The following AOPEP variants were observed in gnomAD, a reference collection of about 807,000 sequenced individuals.
AOPEP encodes aminopeptidase O.
Under a neutral mutation model 98.1 loss-of-function variants are expected in AOPEP, and 77 were observed. The ratio of observed to expected loss-of-function variants is 0.78; its 90% confidence interval spans 0.65 to 0.95. The LOEUF (loss-of-function observed/expected upper bound fraction) is 0.95. Among genes scored for constraint, AOPEP ranks in the 40% least tolerant of loss-of-function variants. AOPEP has a pLI of 0.00. For missense variants in AOPEP, 1,024 were observed against 1,024.7 expected, an observed-to-expected ratio of 1.00 and a Z score of 0.01; for synonymous variants, 346 against 365.3, an observed-to-expected ratio of 0.95 and a Z score of 0.60.
At chr9:94,765,168 G>A (rs1195615540) in intron 2 of AOPEP, among the ~76,000 whole-genome samples, 1 of 151,772 alleles carries the variant, frequency 6.6e-6, no homozygotes, top group African/African-American at 2.4e-5. Flanking sequence ...TTGCTATGTT[G>A]CCCAGGCTGG....
intron 13 of AOPEP, among the ~76,000 whole-genome samples, chr9:95,017,152 A>G (rs954301093): frequency 2.0e-5 from 3 of 152,106 alleles, no homozygotes; most frequent in Non-Finnish European, 2.9e-5. Context: ...TCTGGATCCT[A>G]TTCGTATACA....
chr9:94,764,481 T>G (rs1041659789), intron 2 of AOPEP, among the ~76,000 whole-genome samples: 4 of 151,982 alleles, frequency 2.6e-5, no homozygotes, highest in African/African-American at 9.7e-5. Context: ...ACCCCATCTT[T>G]ACTAAAAATA....
At chr9:94,964,221 C>T (rs2059039206) in intron 9 of AOPEP, among the ~76,000 whole-genome samples, 1 of 152,234 alleles carries the variant, frequency 6.6e-6, no homozygotes, top group South Asian at 2.1e-4. Context: ...TGGCAGCCTC[C>T]AGCTCACTGC....
chr9:95,131,229 T>C, the AOPEP span, among the ~76,000 whole-genome samples: 1 of 152,244 alleles, frequency 6.6e-6, no homozygotes, highest in African/African-American at 2.4e-5. Context: ...TCTCTGTGTT[T>C]GGACACAGAG....
At chr9:95,113,038 C>T in the AOPEP span, among the ~76,000 whole-genome samples, 28 of 152,346 alleles carry the variant, frequency 1.8e-4, no homozygotes, top group East Asian at 4.2e-3. Flanking sequence ...CCTGCATCTA[C>T]GTCCTGTCCC....
At chr9:94,998,646 C>A (rs1397430216) in intron 11 of AOPEP, among the ~76,000 whole-genome samples, 1 of 152,224 alleles carries the variant, frequency 6.6e-6, no homozygotes, top group Non-Finnish European at 1.5e-5. Flanking sequence ...ACTAGGCAAG[C>A]CGGCTGTGTG....
At chr9:94,848,398 G>T (rs997143958) in intron 5 of AOPEP, among the ~76,000 whole-genome samples, 6 of 145,538 alleles carry the variant, frequency 4.1e-5, no homozygotes, top group African/African-American at 1.5e-4. Context: ...CTTGTAGTGA[G>T]CTGAGATTAC....
At chr9:94,970,238 CA>C (rs1159152171) in intron 10 of AOPEP, among the ~76,000 whole-genome samples, 1 of 151,996 alleles carries the variant, frequency 6.6e-6, no homozygotes, top group Non-Finnish European at 1.5e-5. Flanking sequence ...GCATGCATAC[CA>C]TGTGGAATTA....
chr9:94,984,147 C>T (rs1266340220), intron 11 of AOPEP, among the ~76,000 whole-genome samples: 1 of 148,062 alleles, frequency 6.8e-6, no homozygotes, highest in African/African-American at 2.7e-5. Context: ...CATTCTCCTG[C>T]CTCAGGCTCC....
intron 7 of AOPEP, among the ~76,000 whole-genome samples, chr9:94,954,579 A>G (rs1217501495): frequency 6.6e-6 from 1 of 152,164 alleles, no homozygotes; most frequent in African/African-American, 2.4e-5. Context: ...GGTTGGACAA[A>G]CTTACTGTAG....
intron 15 of AOPEP, among the ~76,000 whole-genome samples, chr9:95,082,216 C>G (rs1305662414): frequency 6.6e-6 from 1 of 152,172 alleles, no homozygotes; most frequent in Non-Finnish European, 1.5e-5. Context: ...GTCTGTAATG[C>G]CACACAGGCT....
At chr9:95,149,659 A>G in the AOPEP span, among the ~76,000 whole-genome samples, 6 of 151,972 alleles carry the variant, frequency 3.9e-5, no homozygotes, top group Non-Finnish European at 8.8e-5. Flanking sequence ...TTGCATTTTT[A>G]GTAGAGACAG....
At chr9:95,119,738 G>A in the AOPEP span, among the ~76,000 whole-genome samples, 1 of 151,416 alleles carries the variant, frequency 6.6e-6, no homozygotes, top group South Asian at 2.1e-4. Flanking sequence ...TTGAGATATG[G>A]TTTCACTCTG....
intron 14 of AOPEP, among the ~76,000 whole-genome samples, chr9:95,075,816 G>C (rs978971768): frequency 2.6e-5 from 4 of 152,236 alleles, no homozygotes; most frequent in Non-Finnish European, 5.9e-5. Flanking sequence ...GAGCCTGGGA[G>C]GTGGAGTCTG....
chr9:94,947,275 C>T (rs1248316788), intron 7 of AOPEP, among the ~76,000 whole-genome samples: 1 of 151,550 alleles, frequency 6.6e-6, no homozygotes, highest in Non-Finnish European at 1.5e-5. Flanking sequence ...TCCACCGCAC[C>T]CGGCCTTTTG....
chr9:94,976,467 A>G (rs2059846673), intron 10 of AOPEP, among the ~76,000 whole-genome samples: 1 of 152,126 alleles, frequency 6.6e-6, no homozygotes. Flanking sequence ...CAAAAATAGC[A>G]ATTAAGTCGC....
chr9:95,028,286 G>C (rs1458166444), intron 13 of AOPEP, among the ~76,000 whole-genome samples: 1 of 152,204 alleles, frequency 6.6e-6, no homozygotes, highest in Non-Finnish European at 1.5e-5. Context: ...ATAAAGGAAC[G>C]GTTCTCATAG....
intron 5 of AOPEP, among the ~76,000 whole-genome samples, chr9:94,841,113 C>T (rs2042211386): frequency 6.6e-6 from 1 of 151,794 alleles, no homozygotes; most frequent in South Asian, 2.1e-4. Context: ...TCTATTGTAA[C>T]AAGCACTGAA....
At chr9:94,767,923 G>T (rs779063030) in intron 2 of AOPEP, among the ~76,000 whole-genome samples, 1 of 152,238 alleles carries the variant, frequency 6.6e-6, no homozygotes, top group African/African-American at 2.4e-5. Flanking sequence ...GCATGTGTGT[G>T]TATAGGAGAG....
Sources: allele counts gnomAD v4.1 joint callset (sites outside exome capture counted in the v4.1 genomes callset), GRCh38; gene constraint gnomAD v4.1.1; transcripts MANE v1.5; gene names NCBI Gene and HGNC (gene_info 2026-07-23, HGNC 2026-07-21).